BICRAL: variants seen among roughly 807,000 people sequenced by gnomAD.
The protein encoded by BICRAL is BRD4-interacting chromatin-remodeling complex-associated protein-like.
In BICRAL, 8 loss-of-function variants were observed where a neutral mutation model predicts 91.8. The ratio of observed to expected loss-of-function variants is 0.09; its 90% CI spans 0.05 to 0.16. The LOEUF (loss-of-function observed/expected upper bound fraction) is 0.16. Ranked by LOEUF, BICRAL falls within the 10% of genes least tolerant of loss-of-function variation. The probability of loss-of-function intolerance (pLI) is 1.00; values close to 1 mark genes in which losing one functional copy is unlikely to be tolerated. For synonymous variants in BICRAL, 445 were observed against 491.1 expected (o/e 0.91, Z 1.24); for missense variants, 1,038 against 1,310.9 (o/e 0.79, Z 3.21).
chr6:42,772,013 A>C (rs1762745060), intron 1 of BICRAL, among the ~76,000 whole-genome samples: 1 of 152,100 alleles, frequency 6.6e-6, no homozygotes, highest in Non-Finnish European at 1.5e-5. Flanking sequence ...ACTGTAAACA[A>C]ATCATTATTG....
At chr6:42,864,626 A>G (rs1765652609) in intron 12 of BICRAL, 33 bp from the exon 13 acceptor site, 1 of 1,573,506 alleles carries the variant, frequency 6.4e-7, no homozygotes, top group East Asian at 2.2e-5. Flanking sequence ...TCTCCCAATC[A>G]CTCACTAATG....
Position 42,862,571 on chromosome 6 carries a change from C to T in BICRAL, c.2411C>T (p.Ala804Val). The T allele has an allele frequency of 6.2e-7, 1 of 1,611,692 alleles. No homozygotes were observed. The highest frequency in any genetic ancestry group is 8.5e-7 in the Non-Finnish European group (1 of 1,177,870). ...AGGATGTTCAACCAGGAGGAAAGAGCTTCCCTGTCCCGAGACAAGCGTTTG... is the reference window on the plus strand; with the variant it reads ...AGGATGTTCAACCAGGAGGAAAGAGTTTCCCTGTCCCGAGACAAGCGTTTG... ...IDRMFNQEER[A>V]SLSRDKRLAL... Residue 804 changes from alanine (A) to valine (V), a missense_variant, in exon 12 of 13, where the codon GCT (alanine) becomes GTT (valine). Physicochemically the swap from Ala to Val is moderately conservative, Grantham distance 64 (BLOSUM62 0). Coordinates refer to ENST00000314073, the MANE Select transcript of BICRAL (RefSeq NM_001393499.1).
At chr6:42,804,692 G>A (rs374773746) in intron 1 of BICRAL, among the ~76,000 whole-genome samples, 1 of 152,128 alleles carries the variant, frequency 6.6e-6, no homozygotes, top group South Asian at 2.1e-4. Context: ...CAAGTGGGGT[G>A]GGTAGAGACA....
At chr6:42,758,733 AAAGAATT>A (rs1417616089) in intron 1 of BICRAL, among the ~76,000 whole-genome samples, 4 of 152,196 alleles carry the variant, frequency 2.6e-5, no homozygotes, top group Non-Finnish European at 5.9e-5. Context: ...AAAAAAGAAA[AAAGAATT>A]GAGTGGCATC....
At chr6:42,854,025 A>C (rs1255327772) in intron 8 of BICRAL, among the ~76,000 whole-genome samples, 1 of 152,192 alleles carries the variant, frequency 6.6e-6, no homozygotes, top group South Asian at 2.1e-4. Context: ...CATACTAGGC[A>C]CTCAAAAAAT....
upstream of BICRAL, among the ~76,000 whole-genome samples, chr6:42,781,561 C>A (rs577259256): frequency 2.8e-5 from 4 of 143,994 alleles, no homozygotes; most frequent in South Asian, 9.1e-4. Flanking sequence ...TAATCTCCCC[C>A]CTTCCCGTGT....
chr6:42,758,901 G>A (rs1198394753), intron 1 of BICRAL, among the ~76,000 whole-genome samples: 1 of 152,174 alleles, frequency 6.6e-6, no homozygotes, highest in African/African-American at 2.4e-5. Flanking sequence ...CTTCTGGCCA[G>A]GAGGCTAGGA....
chr6:42,848,156 A>G (rs1466089704), intron 6 of BICRAL, among the ~76,000 whole-genome samples: 1 of 150,478 alleles, frequency 6.6e-6, no homozygotes, highest in African/African-American at 2.4e-5. Context: ...AGAAAACAGA[A>G]AAAGAAAATC....
At chr6:42,864,562 G>C in intron 12 of BICRAL, 97 bp from the exon 13 acceptor site, 1 of 907,378 alleles carries the variant, frequency 1.1e-6, no homozygotes, top group Non-Finnish European at 1.7e-6. Flanking sequence ...TGTGAGTGGG[G>C]CTGGCTTTGC....
intron 8 of BICRAL, among the ~76,000 whole-genome samples, chr6:42,855,049 C>CTG (rs1581634936): frequency 1.3e-5 from 2 of 152,268 alleles, no homozygotes; most frequent in East Asian, 3.9e-4. Flanking sequence ...GCCTGGAATA[C>CTG]ACAGTGAAGG....
At chr6:42,748,821 C>T (rs1445532958) in intron 1 of BICRAL, among the ~76,000 whole-genome samples, 2 of 152,172 alleles carry the variant, frequency 1.3e-5, no homozygotes, top group East Asian at 1.9e-4. Flanking sequence ...AGGAAGGCTG[C>T]GAAATGGCTG....
In BICRAL at chr6:42,829,664, T is replaced by G. The variant is rs1317078913; in HGVS notation, c.1331T>G (p.Leu444Trp). Residue 444 changes from leucine (L) to tryptophan (W), a missense_variant, in exon 6 of 13, where the codon TTG (leucine) becomes TGG (tryptophan). Physicochemically the swap from Leu to Trp is moderately conservative, Grantham distance 61. Around this residue, in one of 5 missense-constraint regions of BICRAL, gnomAD observed 532 missense variants for 724.9 expected, o/e 0.73. Transcript: ENST00000314073. ...SGQVASEHVM[L>W]NRNSSNMLRT... is the part of the protein sequence containing the mutation. ...CAAGTGGCCTCAGAGCATGTCATGTTGAACAGAAACTCTTCCAACATGCTC... is the reference window on the plus strand; with the variant it reads ...CAAGTGGCCTCAGAGCATGTCATGTGGAACAGAAACTCTTCCAACATGCTC... 1 of 1,614,114 alleles carries G rather than the reference T, an allele frequency of 6.2e-7. No homozygotes were observed. Among genetic ancestry groups the G allele is most frequent in the African/African-American group, 1.3e-5 (1 of 74,950 alleles).
Position 42,842,131 on chromosome 6 carries a change from T to A in BICRAL, c.1840-9961T>A, listed in dbSNP as rs561211557. On this transcript the variant is annotated intron_variant, in intron 6 of 12. Coordinates refer to ENST00000314073, the MANE Select transcript of BICRAL (RefSeq NM_001393499.1). ...GCAATAGAATTACCTGGGGAGCTTT[T>A]TAAAACTGTGGATGCCTGAGCCTCA... is the stretch of plus-strand genomic sequence containing the variant. Among the ~76,000 whole-genome samples the A allele has an allele frequency of 2.0e-5, 3 of 152,326 alleles. No individual in the cohort carries two copies. In the South Asian group the frequency reaches 6.2e-4, roughly 32 times the overall value.
At chr6:42,797,877 G>A (rs62416282) in intron 1 of BICRAL, among the ~76,000 whole-genome samples, 3,662 of 152,126 alleles carry the variant, frequency 0.024, 80 homozygotes, top group Non-Finnish European at 0.032. Context: ...TCCAGAGGCT[G>A]AGGCAGGAGA....
chr6:42,839,295 A>G (rs777342617), intron 6 of BICRAL, among the ~76,000 whole-genome samples: 2 of 151,764 alleles, frequency 1.3e-5, no homozygotes, highest in African/African-American at 2.4e-5. Flanking sequence ...TGTTGTTAGG[A>G]TTTTTAAAAT....
At chr6:42,848,271 A>G (rs1441557273) in intron 6 of BICRAL, among the ~76,000 whole-genome samples, 1 of 151,802 alleles carries the variant, frequency 6.6e-6, no homozygotes, top group Admixed American at 6.6e-5. Context: ...AAAATTAGCC[A>G]GGCATGATGG....
chr6:42,751,095 GA>G (rs1762372778), intron 1 of BICRAL, among the ~76,000 whole-genome samples: 1 of 131,536 alleles, frequency 7.6e-6, no homozygotes, highest in Admixed American at 8.7e-5. Context: ...TATTTTATTT[GA>G]ATAAGGATCC....
Position 42,857,614 on chromosome 6 carries a change from A to AAAAAAAAT in BICRAL, c.2254+379_2254+380insAAAAAATA. Among the ~76,000 whole-genome samples, 117 of 96,204 alleles carry AAAAAAAAT rather than the reference A, an allele frequency of 1.2e-3. 1 individual carries two copies. Among genetic ancestry groups the AAAAAAAAT allele is most frequent in the African/African-American group, 3.5e-3 (54 of 15,284 alleles). The allele number at this position is 96,204 out of a possible 152,430, so 63.1% of individuals were successfully genotyped here. A position where few individuals can be genotyped will look rare whatever the true frequency, so the allele number is the denominator to read the frequency against. On this transcript the variant is annotated intron_variant, in intron 10 of 12. Transcript: ENST00000314073. ...ACACTGTCTCTTAAAAAAAAAAAAAAATATATATATATATATATATATTTT... is the reference window on the plus strand; with the variant it reads ...ACACTGTCTCTTAAAAAAAAAAAAAAAAAAAAATATATATATATATATATATATATTTT...
chr6:42,766,325 G>A (rs191185198), intron 1 of BICRAL, among the ~76,000 whole-genome samples: 11 of 152,292 alleles, frequency 7.2e-5, no homozygotes, highest in South Asian at 4.1e-4. Context: ...GACAAGGATC[G>A]TCAGTGGGAA....
Sources: gnomAD v4.1 joint callset for allele counts (sites outside exome capture counted in the v4.1 genomes callset) on GRCh38, gnomAD v4.1.1 for gene constraint, gnomAD v4.1.1 regional missense constraint, MANE v1.5 for transcripts, NCBI Gene and HGNC (gene_info 2026-07-23, HGNC 2026-07-21) for gene names.